Variants in AGO1 observed in about 807,000 individuals in gnomAD.
The protein encoded by AGO1 is protein argonaute-1.
A neutral mutation model predicts 109.2 loss-of-function variants in AGO1; 11 were observed. That is an observed-to-expected ratio of 0.10 (90% confidence interval 0.06 to 0.17). AGO1 has a LOEUF of 0.17. Among genes scored for constraint, AGO1 ranks in the 10% least tolerant of loss-of-function variants. The pLI is 1.00. For missense variants in AGO1, 574 were observed against 1,140.3 expected, an observed-to-expected ratio of 0.50 and a Z score of 7.15; for synonymous variants, 422 against 418.6, an observed-to-expected ratio of 1.01 and a Z score of -0.10.
intron 2 of AGO1, among the ~76,000 whole-genome samples, chr1:35,889,552 A>G (rs1038012186): frequency 1.3e-5 from 2 of 151,942 alleles, no homozygotes; most frequent in African/African-American, 4.8e-5. Flanking sequence ...TTTGAAAACT[A>G]TATGTATAAT....
chr1:35,904,595 G>A (rs1190018862), intron 11 of AGO1, among the ~76,000 whole-genome samples: 1 of 152,114 alleles, frequency 6.6e-6, no homozygotes, highest in East Asian at 1.9e-4. Flanking sequence ...TTTGGGGTAT[G>A]GGCACCAGTA....
chr1:35,930,061 T>C lies in AGO1; in HGVS notation c.*10454T>C, dbSNP rs937333611. ...GGACATGGGGAGAAATTATGAATGA[T>C]TCCTCAGCCTGAATAAAATAGTATG... is the stretch of plus-strand genomic sequence containing the variant. On this transcript the variant is annotated 3_prime_UTR_variant, in exon 19 of 19. Transcript: ENST00000373204. 2.0e-5 allele frequency: 3 copies of C among 152,168 alleles called. No individual in the cohort carries two copies. Among genetic ancestry groups the C allele is most frequent in the Admixed American group, 2.0e-4 (3 of 15,286 alleles). The allele number at this position is 152,168 out of a possible 1,614,324, so 9.4% of individuals were successfully genotyped here. A position where few individuals can be genotyped will look rare whatever the true frequency, so the allele number is the denominator to read the frequency against.
intron 7 of AGO1, 135 bp downstream of exon 7, chr1:35,894,537 C>G (rs1286150687): frequency 7.9e-6 from 7 of 883,940 alleles, no homozygotes; most frequent in Non-Finnish European, 1.2e-5. Flanking sequence ...TGAAGATAAG[C>G]TGTGGGAATT....
chr1:35,919,020 C>G lies in AGO1; in HGVS notation c.2266-35C>G. ...CCCTATTATCAGCCATCTTCTCTGC[C>G]CAGCCTGGGACCCCTCACCTTCCTA... On this transcript the variant is annotated intron_variant, in intron 17 of 18. Coordinates refer to ENST00000373204, the MANE Select transcript of AGO1 (RefSeq NM_012199.5). This position sits in a 1 kb window ranked among gnomAD's most constrained non-coding sequence, Gnocchi z 6.6. 1 of 1,599,824 alleles carries G rather than the reference C, an allele frequency of 6.3e-7. No individual in the cohort carries two copies.
At chr1:35,894,971 G>A in intron 7 of AGO1, 151 bp from the exon 8 acceptor site, 1 of 901,664 alleles carries the variant, frequency 1.1e-6, no homozygotes, top group Non-Finnish European at 1.6e-6. Context: ...AAGTTGGATA[G>A]GATGAAGCAA....
intron 12 of AGO1, 25 bp from the exon 13 acceptor site, chr1:35,913,815 ACT>A (rs765685533): frequency 1.9e-6 from 3 of 1,609,650 alleles, no homozygotes; most frequent in Non-Finnish European, 2.5e-6. Context: ...TGTTGAATGC[ACT>A]AATCATTTCT....
chr1:35,894,483 C>T lies in AGO1; in HGVS notation c.872+81C>T, dbSNP rs1645282296. ...AAAACTATCTTTCCCTCCCTCCCTC[C>T]CCCACTGGCCTTGAGAATGAGCCTT... On this transcript the variant is annotated intron_variant, in intron 7 of 18. Transcript: ENST00000373204. 5.1e-6 allele frequency: 7 copies of T among 1,360,464 alleles called. No individual in the cohort carries two copies. In the Admixed American group the frequency reaches 9.9e-5, roughly 19 times the overall value. The allele number at this position is 1,360,464 out of a possible 1,614,324, so 84.3% of individuals were successfully genotyped here.
At chr1:35,882,769 T>C (rs1201247346), upstream of AGO1, 1 of 981,554 alleles carries the variant, frequency 1.0e-6, no homozygotes, top group Non-Finnish European at 1.2e-6. The surrounding 1 kb of genome is among the most constrained non-coding windows in gnomAD (Gnocchi z 5.1). Flanking sequence ...GGAGAAAGAC[T>C]TCGTGGAGGC....
rs772641687 is a variant in AGO1, at chr1:35,919,528, G to A, written c.2495G>A (p.Ser832Asn). Residue 832 changes from serine (S) to asparagine (N), a missense_variant, in exon 19 of 19, where the codon AGC becomes AAC. Ser to Asn is a conservative substitution (Grantham distance 46, BLOSUM62 1). Coordinates refer to ENST00000373204, the MANE Select transcript of AGO1 (RefSeq NM_012199.5). The surrounding 1 kb of genome is among the most constrained non-coding windows in gnomAD (Gnocchi z 6.6). ...SGEGSHISGQ[S>N]NGRDPQALAK... Reference sequence around the variant, plus strand: ...GAGGGGAGCCACATATCGGGGCAGAGCAATGGGCGGGACCCCCAGGCCCTG... The same window carrying A: ...GAGGGGAGCCACATATCGGGGCAGAACAATGGGCGGGACCCCCAGGCCCTG... 6.2e-7 allele frequency: 1 copy of A among 1,614,108 alleles called. No individual in the cohort carries two copies. Among genetic ancestry groups the A allele is most frequent in the Non-Finnish European group, 8.5e-7 (1 of 1,179,998 alleles).
chr1:35,882,144 A>C (rs559589139), upstream of AGO1, among the ~76,000 whole-genome samples: 1 of 152,336 alleles, frequency 6.6e-6, no homozygotes, highest in East Asian at 1.9e-4. This position sits in a 1 kb window ranked among gnomAD's most constrained non-coding sequence, Gnocchi z 5.1. Flanking sequence ...TTGTGAGTGA[A>C]AGATAAAGTG....
Position 35,919,125 on chromosome 1 carries a change from T to A in AGO1, c.2336T>A (p.Ile779Asn). The A allele has an allele frequency of 6.2e-7, 1 of 1,614,174 alleles. No homozygotes were observed. The highest frequency in any genetic ancestry group is 8.5e-7 in the Non-Finnish European group (1 of 1,180,040). ...DNRFTADELQ[I>N]LTYQLCHTYV... is the part of the protein sequence containing the mutation. ...CGTTTCACAGCAGATGAGCTCCAGA[T>A]CCTGACGTACCAGCTGTGCCACACT... Residue 779 changes from isoleucine (I) to asparagine (N), a missense_variant, in exon 18 of 19, where the codon ATC becomes AAC. This residue lies in a region of AGO1 where 62 missense variants were observed against 192.0 expected (regional missense o/e 0.32). Transcript: ENST00000373204. The surrounding 1 kb of genome is among the most constrained non-coding windows in gnomAD (Gnocchi z 6.6).
At position 35,909,064 on chromosome 1, in the gene AGO1, CGCCTCG is replaced by C. The variant is rs376669621; in HGVS notation, c.1582+1951_1582+1956del. Among the ~76,000 whole-genome samples the C allele has an allele frequency of 8.1e-3, 1,231 of 152,164 alleles. 15 individuals carry two copies. The highest frequency in any genetic ancestry group is 0.028 in the African/African-American group (1,157 of 41,506). On this transcript the variant is annotated intron_variant, in intron 12 of 18. Transcript: ENST00000373204. ...AACTCCTGACCTCAAGTGATCTGCC[CGCCTCG>C]GCCTCCCAAAGTGCTGGGATTACAG...
chr1:35,902,897 A>G (rs1007595812), intron 11 of AGO1, among the ~76,000 whole-genome samples: 4 of 151,650 alleles, frequency 2.6e-5, no homozygotes, highest in Non-Finnish European at 2.9e-5. Context: ...GTGCCACCGT[A>G]GCTGGGAGTA....
At chr1:35,875,605 G>T (rs148780190) in intron 1 of AGO1, among the ~76,000 whole-genome samples, 1,585 of 152,094 alleles carry the variant, frequency 0.01, 28 homozygotes, top group African/African-American at 0.033. Context: ...GTAGAGATGG[G>T]GTTTCACTAT....
In AGO1 at chr1:35,888,689, C is replaced by T; in HGVS notation, c.209+79C>T. ...GGGGCCAGAAAGGTAAAAGAAAAAC[C>T]AGTAGAGGGTAGTATCACCAAATCT... On this transcript the variant is annotated intron_variant, in intron 2 of 18. Transcript: ENST00000373204. This position sits in a 1 kb window ranked among gnomAD's most constrained non-coding sequence, Gnocchi z 4.1. The T allele has an allele frequency of 6.6e-7, 1 of 1,517,058 alleles. No individual in the cohort carries two copies. The highest frequency in any genetic ancestry group is 1.2e-5 in the South Asian group (1 of 82,550). 94.0% of individuals were successfully genotyped at this position (1,517,058 alleles called of 1,614,324 possible).
At chr1:35,896,277 G>T (rs1156909114) in intron 8 of AGO1, among the ~76,000 whole-genome samples, 1 of 151,968 alleles carries the variant, frequency 6.6e-6, no homozygotes, top group African/African-American at 2.4e-5. Context: ...GGGATTACAG[G>T]TGTGAGCCAC....
intron 12 of AGO1, among the ~76,000 whole-genome samples, chr1:35,911,628 C>T (rs888161659): frequency 6.6e-6 from 1 of 152,096 alleles, no homozygotes; most frequent in African/African-American, 2.4e-5. Context: ...ACTGGCTTGC[C>T]GCTATTCCAT....
At chr1:35,887,588 C>G (rs932122826) in intron 1 of AGO1, among the ~76,000 whole-genome samples, 30 of 152,158 alleles carry the variant, frequency 2.0e-4, no homozygotes, top group African/African-American at 7.2e-4. Flanking sequence ...CTTCCCAGAG[C>G]CAGTGTCTCT....
intron 14 of AGO1, 140 bp downstream of exon 14, chr1:35,914,414 T>G: frequency 1.5e-6 from 1 of 652,568 alleles, no homozygotes; most frequent in Non-Finnish European, 2.7e-6. Flanking sequence ...CCAATTCCCA[T>G]TCCCTTGATA....
Sources: allele counts gnomAD v4.1 joint callset (sites outside exome capture counted in the v4.1 genomes callset), GRCh38; gene constraint gnomAD v4.1.1; regional missense constraint gnomAD v4.1.1; non-coding constraint Gnocchi (gnomAD v3.1); transcripts MANE v1.5; gene names NCBI Gene and HGNC (gene_info 2026-07-23, HGNC 2026-07-21).